Variants in FARP1 observed in about 807,000 individuals in gnomAD.
The protein encoded by FARP1 is FERM, ARH/RhoGEF and pleckstrin domain protein 1.
FARP1 carries 52 observed loss-of-function variants against 128.8 expected under a neutral mutation model. The ratio of observed to expected loss-of-function variants is 0.40; its 90% confidence interval spans 0.32 to 0.51. The LOEUF (loss-of-function observed/expected upper bound fraction) is 0.51. Ranked by LOEUF, FARP1 falls within the 20% of genes least tolerant of loss-of-function variation. The probability of loss-of-function intolerance (pLI) is 0.45; values close to 1 mark genes in which losing one functional copy is unlikely to be tolerated. For synonymous variants in FARP1, 580 were observed against 551.8 expected, an observed-to-expected ratio of 1.05 and a Z score of -0.72; for missense variants, 1,333 against 1,367.9, an observed-to-expected ratio of 0.97 and a Z score of 0.40.
intron 1 of FARP1, among the ~76,000 whole-genome samples, chr13:98,188,200 C>T (rs1260072712): frequency 1.3e-5 from 2 of 152,130 alleles, no homozygotes; most frequent in Non-Finnish European, 2.9e-5. Flanking sequence ...GCCTCTTGTT[C>T]ACAGGAGTGT....
intron 2 of FARP1, among the ~76,000 whole-genome samples, chr13:98,261,458 C>T (rs1883877290): frequency 6.6e-6 from 1 of 152,194 alleles, no homozygotes; most frequent in South Asian, 2.1e-4. Flanking sequence ...CCTTCGTTGA[C>T]CAGATCACAT....
chr13:98,169,057 T>A (rs1014723588), intron 1 of FARP1, among the ~76,000 whole-genome samples: 2 of 152,238 alleles, frequency 1.3e-5, no homozygotes, highest in African/African-American at 4.8e-5. Context: ...ATTCATTTTT[T>A]AAAATTTGTT....
intron 3 of FARP1, among the ~76,000 whole-genome samples, chr13:98,356,094 C>T (rs1314182654): frequency 1.3e-5 from 2 of 152,086 alleles, no homozygotes; most frequent in African/African-American, 4.8e-5. Context: ...GTAGGATATT[C>T]AATATATTTC....
intron 2 of FARP1, among the ~76,000 whole-genome samples, chr13:98,343,439 C>T (rs79508441): frequency 0.042 from 6,391 of 152,100 alleles, 150 homozygotes; most frequent in Middle Eastern, 0.092. Flanking sequence ...CTGTGTAGCG[C>T]GAAGAAGTTT....
chr13:98,369,018 C>T (rs1317802669), intron 5 of FARP1, among the ~76,000 whole-genome samples: 13 of 151,850 alleles, frequency 8.6e-5, no homozygotes, highest in South Asian at 2.1e-4. Flanking sequence ...CTCTGCCTCC[C>T]GGATTCAAGC....
intron 2 of FARP1, among the ~76,000 whole-genome samples, chr13:98,312,576 C>A (rs1428288089): frequency 6.6e-6 from 1 of 152,136 alleles, no homozygotes; most frequent in Non-Finnish European, 1.5e-5. Flanking sequence ...ACAAGAAATT[C>A]ATAATGCTTC....
At chr13:98,296,337 T>A (rs1304845055) in intron 2 of FARP1, among the ~76,000 whole-genome samples, 2 of 151,926 alleles carry the variant, frequency 1.3e-5, no homozygotes, top group Non-Finnish European at 2.9e-5. Context: ...ATGCGCACAC[T>A]CTCCTTTCTG....
At chr13:98,324,730 C>T (rs1272895869) in intron 2 of FARP1, among the ~76,000 whole-genome samples, 1 of 152,180 alleles carries the variant, frequency 6.6e-6, no homozygotes, top group African/African-American at 2.4e-5. Flanking sequence ...TTTTCAAATT[C>T]CTCTCCTTTT....
intron 1 of FARP1, among the ~76,000 whole-genome samples, chr13:98,144,346 G>A (rs1031170023): frequency 3.1e-4 from 47 of 152,294 alleles, no homozygotes; most frequent in Admixed American, 2.0e-3. Flanking sequence ...GGGAGCTGAG[G>A]CTCACAAAGA....
intron 2 of FARP1, among the ~76,000 whole-genome samples, chr13:98,339,917 G>A (rs975425103): frequency 6.6e-6 from 1 of 152,106 alleles, no homozygotes; most frequent in Non-Finnish European, 1.5e-5. Context: ...CAAGGCTGCA[G>A]GTTCTAGGAC....
chr13:98,356,578 G>T (rs564896712), intron 3 of FARP1, among the ~76,000 whole-genome samples: 1 of 151,852 alleles, frequency 6.6e-6, no homozygotes, highest in Non-Finnish European at 1.5e-5. Flanking sequence ...TCGTGCTCTT[G>T]ACTAAGTGAC....
intron 3 of FARP1, among the ~76,000 whole-genome samples, chr13:98,347,020 G>A (rs1223756776): frequency 6.6e-6 from 1 of 152,206 alleles, no homozygotes; most frequent in African/African-American, 2.4e-5. Flanking sequence ...TGACCAAAAG[G>A]TCATCAGACA....
At chr13:98,226,276 A>G (rs1881759748) in intron 2 of FARP1, among the ~76,000 whole-genome samples, 1 of 152,152 alleles carries the variant, frequency 6.6e-6, no homozygotes, top group Non-Finnish European at 1.5e-5. Context: ...CTTGGTTTAT[A>G]GATACATTGC....
chr13:98,362,268 A>C (rs1888902836), intron 3 of FARP1, among the ~76,000 whole-genome samples: 1 of 152,106 alleles, frequency 6.6e-6, no homozygotes, highest in South Asian at 2.1e-4. Flanking sequence ...CAAAACAAGC[A>C]AGTGAACAAT....
At chr13:98,201,487 A>G (rs564517594) in intron 1 of FARP1, among the ~76,000 whole-genome samples, 13 of 152,316 alleles carry the variant, frequency 8.5e-5, no homozygotes, top group African/African-American at 3.1e-4. Flanking sequence ...CCAGGAAGAT[A>G]CAAGAGTGTT....
chr13:98,150,341 GT>G lies in FARP1; in HGVS notation c.-24+6854del, dbSNP rs1283209159. On this transcript the variant is annotated intron_variant, in intron 1 of 26. Transcript: ENST00000319562. Reference sequence around the variant, plus strand: ...TCACTGCGTCCGGCAGATCTTTACTGTTTTTAATTTTTTTGTTCAGATTGTT... The same window carrying G: ...TCACTGCGTCCGGCAGATCTTTACTGTTTTAATTTTTTTGTTCAGATTGTT... Among the ~76,000 whole-genome samples the G allele has an allele frequency of 2.0e-5, 3 of 152,104 alleles. No individual in the cohort carries two copies. In the East Asian group the frequency reaches 5.8e-4, roughly 29 times the overall value.
intron 21 of FARP1, among the ~76,000 whole-genome samples, chr13:98,439,563 C>T (rs1356282758): frequency 6.6e-6 from 1 of 152,176 alleles, no homozygotes; most frequent in African/African-American, 2.4e-5. Context: ...CCTCGCCACA[C>T]ACAAGGATGA....
intron 1 of FARP1, among the ~76,000 whole-genome samples, chr13:98,171,758 G>A (rs1373995648): frequency 6.6e-6 from 1 of 152,152 alleles, no homozygotes; most frequent in Admixed American, 6.5e-5. Context: ...TCACAGATTA[G>A]TCTAATTTAT....
At chr13:98,337,612 A>G (rs1161310079) in intron 2 of FARP1, among the ~76,000 whole-genome samples, 1 of 150,104 alleles carries the variant, frequency 6.7e-6, no homozygotes, top group Non-Finnish European at 1.5e-5. Context: ...AACCTTTAAG[A>G]AAATACTTTC....
Sources: gnomAD v4.1 joint callset for allele counts (sites outside exome capture counted in the v4.1 genomes callset) on GRCh38, gnomAD v4.1.1 for gene constraint, MANE v1.5 for transcripts, NCBI Gene and HGNC (gene_info 2026-07-23, HGNC 2026-07-21) for gene names.